Variants in GRID1 observed in about 807,000 individuals in gnomAD.
GRID1 encodes the protein glutamate receptor ionotropic, delta-1.
Under a neutral mutation model 98.0 loss-of-function variants are expected in GRID1, and 28 were observed. That is an observed-to-expected ratio of 0.29 (90% CI 0.21 to 0.39). The LOEUF (loss-of-function observed/expected upper bound fraction) is 0.39, where lower values mean the gene tolerates loss of function less well. GRID1 is among the 10% of genes least tolerant of loss of function. The pLI is 1.00. For synonymous variants in GRID1, 553 were observed against 538.5 expected, an observed-to-expected ratio of 1.03 and a Z score of -0.37; for missense variants, 1,111 against 1,340.5, an observed-to-expected ratio of 0.83 and a Z score of 2.67.
chr10:86,103,933 T>C (rs1404035465), intron 4 of GRID1, among the ~76,000 whole-genome samples: 1 of 152,126 alleles, frequency 6.6e-6, no homozygotes, highest in Non-Finnish European at 1.5e-5. Flanking sequence ...CCAATCTCAT[T>C]CATCACAACT....
chr10:85,842,564 CAA>C (rs1281093059), intron 8 of GRID1, among the ~76,000 whole-genome samples: 4 of 151,854 alleles, frequency 2.6e-5, no homozygotes, highest in African/African-American at 9.7e-5. Context: ...AGGAATAACA[CAA>C]GAGATACTAT....
chr10:86,332,836 C>T (rs1028918472), intron 2 of GRID1, among the ~76,000 whole-genome samples: 2 of 152,126 alleles, frequency 1.3e-5, no homozygotes, highest in African/African-American at 4.8e-5. Context: ...TGACCTTCAC[C>T]CTGATCTTCC....
rs1255487236 is a variant in GRID1 at position 85,770,832 on chromosome 10, A to T, written c.1234-41218T>A. On this transcript the variant is annotated intron_variant, in intron 8 of 15. Transcript: ENST00000327946. Reference sequence around the variant, plus strand: ...AAGAAATATGGGACTATGTGAAAAGACCAAATCTACGTCTGATTGGTGTAC... The same window carrying T: ...AAGAAATATGGGACTATGTGAAAAGTCCAAATCTACGTCTGATTGGTGTAC... Among the ~76,000 whole-genome samples, 4 of 152,324 alleles carry T rather than the reference A, an allele frequency of 2.6e-5. No individual in the cohort carries two copies. The East Asian group carries it at 7.7e-4, about 29-fold the overall frequency.
chr10:85,993,240 A>C (rs1842702960), intron 4 of GRID1, among the ~76,000 whole-genome samples: 1 of 152,142 alleles, frequency 6.6e-6, no homozygotes, highest in Admixed American at 6.5e-5. Context: ...GGGAGAGGAC[A>C]GTGGGCAGAA....
intron 8 of GRID1, among the ~76,000 whole-genome samples, chr10:85,778,294 C>T (rs1462721852): frequency 6.6e-6 from 1 of 151,920 alleles, no homozygotes; most frequent in Non-Finnish European, 1.5e-5. Flanking sequence ...GGGACCAGGG[C>T]CATGCAGTGA....
In GRID1 at chr10:85,981,781, C is replaced by A. The variant is rs189538099; in HGVS notation, c.727-65542G>T. ...GCAGGCATGGAGAATAGAGCTGCAG[C>A]AAAACACACATAGCCTCTTTTGTTA... On this transcript the variant is annotated intron_variant, in intron 4 of 15. Transcript: ENST00000327946. 3.6e-4 allele frequency among the ~76,000 whole-genome samples: 55 copies of A among 152,280 alleles called. No homozygotes were observed. The East Asian group carries it at 5.8e-3, about 16-fold the overall frequency.
intron 5 of GRID1, among the ~76,000 whole-genome samples, chr10:85,910,596 A>G (rs1841523765): frequency 6.6e-6 from 1 of 152,158 alleles, no homozygotes. Flanking sequence ...AAAACAGGAG[A>G]GCATCTAGGC....
At chr10:85,705,912 CA>C (rs1300138291) in intron 12 of GRID1, among the ~76,000 whole-genome samples, 5 of 152,210 alleles carry the variant, frequency 3.3e-5, no homozygotes, top group African/African-American at 1.2e-4. Context: ...ACTTCAACAG[CA>C]TTTCATGCTA....
intron 12 of GRID1, among the ~76,000 whole-genome samples, chr10:85,673,410 G>C (rs75621465): frequency 0.033 from 4,968 of 152,280 alleles, 128 homozygotes; most frequent in Middle Eastern, 0.048. Context: ...GAGTAAAATG[G>C]TACCAAACAA....
intron 13 of GRID1, among the ~76,000 whole-genome samples, chr10:85,633,977 G>T (rs1021485111): frequency 9.2e-5 from 14 of 152,066 alleles, no homozygotes; most frequent in Non-Finnish European, 4.4e-5. Flanking sequence ...TTCAAGATCA[G>T]CCTGACTAAC....
chr10:86,337,700 T>TC (rs1195465454), intron 2 of GRID1, among the ~76,000 whole-genome samples: 1 of 51,992 alleles, frequency 1.9e-5, no homozygotes, highest in Non-Finnish European at 5.2e-5. Flanking sequence ...TTTGGGAACT[T>TC]TTTTTTTTTT....
chr10:86,310,757 C>T (rs980498135), intron 2 of GRID1, among the ~76,000 whole-genome samples: 1 of 152,208 alleles, frequency 6.6e-6, no homozygotes, highest in African/African-American at 2.4e-5. Context: ...CTGGAGCACC[C>T]CAGTCTGCTG....
At chr10:86,190,925 C>A (rs529242329) in intron 3 of GRID1, among the ~76,000 whole-genome samples, 4 of 152,196 alleles carry the variant, frequency 2.6e-5, no homozygotes, top group South Asian at 2.1e-4. Flanking sequence ...TGAGTGTGTA[C>A]CTGCATGCAC....
At chr10:85,724,192 T>C (rs1449873787) in intron 11 of GRID1, among the ~76,000 whole-genome samples, 160 bp downstream of exon 11, 2 of 152,234 alleles carry the variant, frequency 1.3e-5, no homozygotes, top group African/African-American at 4.8e-5. Context: ...TCTGATATTA[T>C]TCAGAGAAAT....
chr10:85,661,752 G>A (rs547305914), intron 12 of GRID1, among the ~76,000 whole-genome samples: 19 of 152,286 alleles, frequency 1.2e-4, no homozygotes, highest in Middle Eastern at 3.4e-3. Flanking sequence ...ACAGTGCCTC[G>A]GGATGAAAGG....
chr10:86,176,170 G>A (rs552595129), intron 3 of GRID1, among the ~76,000 whole-genome samples: 1 of 152,356 alleles, frequency 6.6e-6, no homozygotes, highest in East Asian at 1.9e-4. Context: ...TGAGTTCTGG[G>A]CTAGATGCTG....
intron 2 of GRID1, among the ~76,000 whole-genome samples, chr10:86,214,055 C>A (rs1026332754): frequency 2.6e-5 from 4 of 152,212 alleles, no homozygotes; most frequent in South Asian, 4.1e-4. Flanking sequence ...CCTCCAACCT[C>A]CCCACTTGTC....
intron 2 of GRID1, among the ~76,000 whole-genome samples, chr10:86,338,892 A>C (rs1190361906): frequency 3.3e-5 from 5 of 152,030 alleles, no homozygotes; most frequent in African/African-American, 9.7e-5. Flanking sequence ...CTGGGTATTT[A>C]ATTCACACAA....
rs1421095508 is a variant in GRID1 at position 85,600,297 on chromosome 10, C to T, written c.*1976G>A. On this transcript the variant is annotated 3_prime_UTR_variant, in exon 16 of 16. Coordinates refer to ENST00000327946, the MANE Select transcript of GRID1 (RefSeq NM_017551.3). ...GATTGGAGAAATGTCAATGGATTGC[C>T]TAGGTAGCACGAATATCAGACCATT... 2.0e-5 allele frequency: 3 copies of T among 152,154 alleles called. No homozygotes were observed. The East Asian group carries it at 5.8e-4, about 30-fold the overall frequency. 9.4% of individuals were successfully genotyped at this position (152,154 alleles called of 1,614,324 possible).
Sources: gnomAD v4.1 joint callset for allele counts (sites outside exome capture counted in the v4.1 genomes callset) on GRCh38, gnomAD v4.1.1 for gene constraint, MANE v1.5 for transcripts, NCBI Gene and HGNC (gene_info 2026-07-23, HGNC 2026-07-21) for gene names.